Variants in ZNF704 observed in about 807,000 individuals in gnomAD.
The protein encoded by ZNF704 is glucocorticoid induced gene 1.
In ZNF704, 10 loss-of-function variants were observed where a neutral mutation model predicts 44.7. The observed-to-expected ratio is 0.22, with a 90% CI of 0.14 to 0.38. ZNF704 has a LOEUF of 0.38. Among genes scored for constraint, ZNF704 ranks in the 10% least tolerant of loss-of-function variants. The pLI is 1.00. For missense variants in ZNF704, 390 were observed against 545.5 expected, an observed-to-expected ratio of 0.71 and a Z score of 2.84; for synonymous variants, 211 against 207.6, an observed-to-expected ratio of 1.02 and a Z score of -0.14.
chr8:80,689,845 A>G (rs910148343), intron 3 of ZNF704, among the ~76,000 whole-genome samples: 2 of 152,224 alleles, frequency 1.3e-5, no homozygotes, highest in Non-Finnish European at 2.9e-5. Flanking sequence ...TTTCTCAGAA[A>G]AAAAGTCAGG....
At chr8:80,859,566 C>T (rs897365635) in intron 1 of ZNF704, among the ~76,000 whole-genome samples, 1 of 152,184 alleles carries the variant, frequency 6.6e-6, no homozygotes, top group East Asian at 1.9e-4. Flanking sequence ...ACACTAGCCA[C>T]GTATGAATGA....
At chr8:80,691,783 A>G (rs937276437) in intron 3 of ZNF704, among the ~76,000 whole-genome samples, 2 of 151,968 alleles carry the variant, frequency 1.3e-5, no homozygotes, top group Admixed American at 6.6e-5. Context: ...CATGTTTCCT[A>G]TTGTCTTCTT....
At chr8:80,883,074 C>CAAAA in the ZNF704 span, among the ~76,000 whole-genome samples, 49 of 42,840 alleles carry the variant, frequency 1.1e-3, no homozygotes, top group African/African-American at 2.5e-3. Flanking sequence ...CCTGTCTCTA[C>CAAAA]AAAAAAAAAA....
In ZNF704 at chr8:80,830,969, T is replaced by C. The variant is rs144001777; in HGVS notation, c.-21-9354A>G. ...CAAGGTTTCACTGTGTTGGCCAGGT[T>C]GGTCTTGAACTCCTGACCTCGTGAT... is the stretch of plus-strand genomic sequence containing the variant. On this transcript the variant is annotated intron_variant, in intron 1 of 8. Coordinates refer to ENST00000327835, the MANE Select transcript of ZNF704 (RefSeq NM_001033723.3). Among the ~76,000 whole-genome samples, 439 of 151,992 alleles carry C rather than the reference T, an allele frequency of 2.9e-3. 2 individuals carry two copies. The highest frequency in any genetic ancestry group is 0.01 in the African/African-American group (419 of 41,464).
At chr8:80,669,544 T>C (rs773048658) in intron 5 of ZNF704, among the ~76,000 whole-genome samples, 2 of 152,220 alleles carry the variant, frequency 1.3e-5, no homozygotes, top group Non-Finnish European at 2.9e-5. Flanking sequence ...CCCTCATAGA[T>C]TACCTTAGAA....
intron 4 of ZNF704, among the ~76,000 whole-genome samples, chr8:80,672,917 G>C (rs957313870): frequency 1.1e-4 from 17 of 151,200 alleles, no homozygotes. Flanking sequence ...TAAAATAAAA[G>C]TTGAACTTAA....
At chr8:80,741,095 C>T (rs1806747930) in intron 2 of ZNF704, among the ~76,000 whole-genome samples, 1 of 152,206 alleles carries the variant, frequency 6.6e-6, no homozygotes, top group Non-Finnish European at 1.5e-5. Flanking sequence ...TATCCTCATC[C>T]CAAAACCCTA....
intron 2 of ZNF704, among the ~76,000 whole-genome samples, chr8:80,798,331 C>T (rs1047256637): frequency 6.6e-6 from 1 of 151,890 alleles, no homozygotes; most frequent in Non-Finnish European, 1.5e-5. Flanking sequence ...TCTTAGCTCA[C>T]CGCAACCTCC....
chr8:80,722,374 G>A (rs1346606225), intron 2 of ZNF704, among the ~76,000 whole-genome samples: 2 of 152,174 alleles, frequency 1.3e-5, no homozygotes, highest in South Asian at 2.1e-4. Flanking sequence ...GTAAAACAGG[G>A]ATGAAAAGAT....
intron 2 of ZNF704, among the ~76,000 whole-genome samples, chr8:80,707,969 T>C (rs1271621339): frequency 1.3e-5 from 2 of 152,256 alleles, no homozygotes; most frequent in African/African-American, 2.4e-5. Context: ...AGCACCTATG[T>C]TGCCGTCTGG....
chr8:80,641,639 GGGCGGATCACCAGAGGTCA>G (rs2131588068), intron 8 of ZNF704, among the ~76,000 whole-genome samples, 162 bp from the exon 9 acceptor site: 1 of 151,696 alleles, frequency 6.6e-6, no homozygotes, highest in African/African-American at 2.4e-5. Flanking sequence ...AGGCTGAGGT[GGGCGGATCACCAGAGGTCA>G]GGAGTTTGAG....
At chr8:80,818,974 T>G (rs1257663475) in intron 2 of ZNF704, among the ~76,000 whole-genome samples, 2 of 152,132 alleles carry the variant, frequency 1.3e-5, no homozygotes, top group Admixed American at 1.3e-4. Flanking sequence ...CTTGATTCCC[T>G]CATCATCATT....
intron 1 of ZNF704, among the ~76,000 whole-genome samples, chr8:80,838,671 TGGAGGA>T (rs143628593): frequency 8.0e-6 from 1 of 124,850 alleles, no homozygotes; most frequent in Non-Finnish European, 1.7e-5. Context: ...AAGCAGAACC[TGGAGGA>T]GGAGGAGGAG....
intron 2 of ZNF704, among the ~76,000 whole-genome samples, chr8:80,701,044 C>G (rs1818802112): frequency 6.6e-6 from 1 of 152,160 alleles, no homozygotes; most frequent in Non-Finnish European, 1.5e-5. Context: ...GCCAGGTCCA[C>G]TGGTGGCTCA....
the ZNF704 span, among the ~76,000 whole-genome samples, chr8:80,882,328 C>T: frequency 6.6e-6 from 1 of 152,190 alleles, no homozygotes; most frequent in Admixed American, 6.5e-5. Flanking sequence ...ACAAATGTTT[C>T]ATGAAATTTC....
At chr8:80,745,386 G>A (rs541084033) in intron 2 of ZNF704, among the ~76,000 whole-genome samples, 2 of 152,230 alleles carry the variant, frequency 1.3e-5, no homozygotes, top group Non-Finnish European at 2.9e-5. Flanking sequence ...GAGAAATTCT[G>A]CAGTTTTGGT....
chr8:80,787,094 C>T, intron 2 of ZNF704, among the ~76,000 whole-genome samples: 1 of 152,106 alleles, frequency 6.6e-6, no homozygotes, highest in South Asian at 2.1e-4. Flanking sequence ...AATATTTGAA[C>T]CACTGCAATA....
chr8:80,700,078 C>T (rs188450165), intron 2 of ZNF704, among the ~76,000 whole-genome samples: 4 of 152,342 alleles, frequency 2.6e-5, no homozygotes, highest in East Asian at 1.9e-4. Flanking sequence ...ACAGGCCATG[C>T]ACTTATCTTG....
At chr8:80,753,081 G>T (rs1368994782) in intron 2 of ZNF704, among the ~76,000 whole-genome samples, 3 of 152,136 alleles carry the variant, frequency 2.0e-5, no homozygotes, top group African/African-American at 7.2e-5. Context: ...TTTAAACAAG[G>T]CATACACAAT....
Sources: gnomAD v4.1 joint callset for allele counts (sites outside exome capture counted in the v4.1 genomes callset) on GRCh38, gnomAD v4.1.1 for gene constraint, MANE v1.5 for transcripts, NCBI Gene and HGNC (gene_info 2026-07-23, HGNC 2026-07-21) for gene names.